Variants in GPD2 observed in about 807,000 individuals in gnomAD.
The protein encoded by GPD2 is glycerol-3-phosphate dehydrogenase 2.
A neutral mutation model predicts 82.4 loss-of-function variants in GPD2; 54 were observed. That is an observed-to-expected ratio of 0.66 (90% confidence interval 0.53 to 0.82). GPD2 has a LOEUF of 0.82. Among genes scored for constraint, GPD2 ranks in the 40% least tolerant of loss-of-function variants. The pLI is 0.00. For missense variants in GPD2, 748 were observed against 896.2 expected, an observed-to-expected ratio of 0.83 and a Z score of 2.11; for synonymous variants, 288 against 306.1, an observed-to-expected ratio of 0.94 and a Z score of 0.62.
chr2:156,426,266 T>C, the GPD2 span, among the ~76,000 whole-genome samples: 4 of 152,214 alleles, frequency 2.6e-5, no homozygotes, highest in African/African-American at 9.6e-5. Flanking sequence ...ATTGACTCAC[T>C]GTTCAGCATG....
Position 156,530,040 on chromosome 2 carries a change from T to C in GPD2, c.661+16544T>C, listed in dbSNP as rs1389956034. On this transcript the variant is annotated intron_variant, in intron 6 of 16. Transcript: ENST00000438166. Reference sequence around the variant, plus strand: ...TAAATTACCTTGGGCAGTATGGCCATTTTCACTATATTGATTCTTCCTACC... The same window carrying C: ...TAAATTACCTTGGGCAGTATGGCCACTTTCACTATATTGATTCTTCCTACC... Among the ~76,000 whole-genome samples, 6 of 150,888 alleles carry C rather than the reference T, an allele frequency of 4.0e-5. 1 individual carries two copies. The Middle Eastern group carries it at 0.014, about 342-fold the overall frequency.
At chr2:156,420,935 T>C in the GPD2 span, among the ~76,000 whole-genome samples, 1 of 152,226 alleles carries the variant, frequency 6.6e-6, no homozygotes, top group African/African-American at 2.4e-5. Context: ...GGATGGGACC[T>C]GTATTTTTCA....
chr2:156,561,040 CTTTTTT>C (rs35948070), intron 9 of GPD2, among the ~76,000 whole-genome samples: 20 of 27,630 alleles, frequency 7.2e-4, no homozygotes, highest in East Asian at 1.7e-3. Flanking sequence ...TGACATTAAG[CTTTTTT>C]TTTTTTTTTT....
At chr2:156,407,280 A>G in the GPD2 span, among the ~76,000 whole-genome samples, 1 of 152,190 alleles carries the variant, frequency 6.6e-6, no homozygotes, top group Non-Finnish European at 1.5e-5. Context: ...GGATATAAAC[A>G]TTGCAACTTT....
chr2:156,403,114 CA>C, the GPD2 span, among the ~76,000 whole-genome samples: 11 of 67,868 alleles, frequency 1.6e-4, no homozygotes, highest in Admixed American at 2.3e-4. Context: ...GCCCCTGTCT[CA>C]AAAAAAAAAA....
chr2:156,437,115 A>T (rs1238407062), intron 1 of GPD2, among the ~76,000 whole-genome samples: 1 of 152,236 alleles, frequency 6.6e-6, no homozygotes, highest in African/African-American at 2.4e-5. Flanking sequence ...GAAGAGTTCC[A>T]GAGTAATTTA....
chr2:156,496,949 G>T (rs888266283), intron 3 of GPD2, among the ~76,000 whole-genome samples: 1 of 135,472 alleles, frequency 7.4e-6, no homozygotes, highest in African/African-American at 2.4e-5. Flanking sequence ...CTATAGTTCT[G>T]TCTCAGTCAT....
At chr2:156,401,146 T>G in the GPD2 span, among the ~76,000 whole-genome samples, 40 of 152,200 alleles carry the variant, frequency 2.6e-4, no homozygotes, top group Admixed American at 3.3e-4. Context: ...AAGTCAAAAC[T>G]TGCATTGGCC....
chr2:156,450,026 T>C (rs989088738), intron 1 of GPD2, among the ~76,000 whole-genome samples: 1 of 151,178 alleles, frequency 6.6e-6, no homozygotes. Context: ...GAAAAAAGCA[T>C]AGAAAGAAGT....
intron 10 of GPD2, 147 bp from the exon 11 acceptor site, chr2:156,569,215 AT>A (rs901569977): frequency 1.3e-4 from 91 of 693,684 alleles, no homozygotes; most frequent in Non-Finnish European, 1.7e-4. Context: ...TTGAACAAGC[AT>A]TTTTTTTATT....
chr2:156,526,366 A>G (rs1346948710), intron 6 of GPD2, among the ~76,000 whole-genome samples: 1 of 152,176 alleles, frequency 6.6e-6, no homozygotes. Context: ...TATTATCATT[A>G]TGTAAAATAT....
chr2:156,465,398 A>G (rs1241072662), intron 1 of GPD2, among the ~76,000 whole-genome samples: 5 of 123,142 alleles, frequency 4.1e-5, no homozygotes, highest in African/African-American at 1.3e-4. Flanking sequence ...ATCTCATTCT[A>G]TCACCTGTGC....
At chr2:156,535,453 A>AGAGAGAGAGAGAGAGG (rs1686042945) in intron 6 of GPD2, among the ~76,000 whole-genome samples, 2 of 149,586 alleles carry the variant, frequency 1.3e-5, no homozygotes, top group East Asian at 4.0e-4. Context: ...AGAGAGAGAG[A>AGAGAGAGAGAGAGAGG]GAGAGAGAAA....
intron 2 of GPD2, among the ~76,000 whole-genome samples, chr2:156,483,129 AAAC>A (rs1180472493): frequency 6.6e-6 from 1 of 152,096 alleles, no homozygotes; most frequent in Non-Finnish European, 1.5e-5. Context: ...AACAAAAAAA[AAAC>A]AAAAAACAAA....
chr2:156,519,020 A>G (rs1350339673), intron 6 of GPD2, among the ~76,000 whole-genome samples: 2 of 152,202 alleles, frequency 1.3e-5, no homozygotes, highest in Admixed American at 6.5e-5. Flanking sequence ...CCACTAGGGT[A>G]TAGGAGGAAC....
At chr2:156,424,251 A>T in the GPD2 span, among the ~76,000 whole-genome samples, 1 of 152,224 alleles carries the variant, frequency 6.6e-6, no homozygotes, top group African/African-American at 2.4e-5. Flanking sequence ...GATATAACTA[A>T]AAGCAGTTGT....
At chr2:156,405,042 G>A in the GPD2 span, among the ~76,000 whole-genome samples, 3 of 152,272 alleles carry the variant, frequency 2.0e-5, no homozygotes, top group East Asian at 5.8e-4. Context: ...TGACAGAGAA[G>A]TAGAAAGAGG....
chr2:156,568,898 T>G lies in GPD2; in HGVS notation c.1239T>G (p.Thr413=). The G allele has an allele frequency of 6.8e-6, 11 of 1,611,380 alleles. No homozygotes were observed. The highest frequency in any genetic ancestry group is 9.3e-6 in the Non-Finnish European group (11 of 1,177,598). The change falls in exon 10 of 17, where the codon ACT becomes ACG. Residue 413 remains threonine, a synonymous_variant. Transcript: ENST00000438166. ...PLVTDPKSAD[T]QSISRNHVVD... Reference sequence around the variant, plus strand: ...TTACAGACCCCAAATCTGCAGATACTCAGTCTATCTCCCGAAATCATGTTG... The same window carrying G: ...TTACAGACCCCAAATCTGCAGATACGCAGTCTATCTCCCGAAATCATGTTG...
intron 6 of GPD2, 27 bp from the exon 7 acceptor site, chr2:156,549,577 TCTCC>T (rs779342304): frequency 6.2e-7 from 1 of 1,608,152 alleles, no homozygotes; most frequent in African/African-American, 1.3e-5. Flanking sequence ...AGGTGACTCC[TCTCC>T]CTCCCCTGAT....
Sources: allele counts gnomAD v4.1 joint callset (sites outside exome capture counted in the v4.1 genomes callset), GRCh38; gene constraint gnomAD v4.1.1; transcripts MANE v1.5; gene names NCBI Gene and HGNC (gene_info 2026-07-23, HGNC 2026-07-21).